TMEM71: variants seen among roughly 807,000 people sequenced by gnomAD.
The protein encoded by TMEM71 is transmembrane protein 71.
A neutral mutation model predicts 38.0 loss-of-function variants in TMEM71; 44 were observed. The observed-to-expected ratio is 1.16, with a 90% CI of 0.91 to 1.49. The LOEUF (loss-of-function observed/expected upper bound fraction) is 1.49, where lower values mean the gene tolerates loss of function less well. Among genes scored for constraint, TMEM71 ranks in the 40% most tolerant of loss-of-function variants. TMEM71 has a pLI of 0.00. For synonymous variants in TMEM71, 133 were observed against 122.5 expected (o/e 1.09, Z -0.56); for missense variants, 367 against 348.6 (o/e 1.05, Z -0.42).
At chr8:132,727,259 ATT>A (rs769270352) in intron 6 of TMEM71, among the ~76,000 whole-genome samples, 34 of 140,020 alleles carry the variant, frequency 2.4e-4, no homozygotes, top group African/African-American at 8.1e-4. Flanking sequence ...TATTCTCAGA[ATT>A]TTTTTTTTTT....
At chr8:132,761,799 C>T (rs75860186), upstream of TMEM71, among the ~76,000 whole-genome samples, 12,301 of 152,258 alleles carry the variant, frequency 0.081, 743 homozygotes, top group Admixed American at 0.13. Flanking sequence ...TTTGATGAAG[C>T]AAGCTGCCAT....
downstream of TMEM71, among the ~76,000 whole-genome samples, chr8:132,706,625 T>C (rs1201105893): frequency 6.6e-6 from 1 of 152,134 alleles, no homozygotes; most frequent in African/African-American, 2.4e-5. Context: ...TGATTATACA[T>C]AGCATCCTGG....
chr8:132,724,394 T>A (rs138299980), intron 6 of TMEM71, among the ~76,000 whole-genome samples: 4,103 of 152,060 alleles, frequency 0.027, 191 homozygotes, highest in African/African-American at 0.094. Flanking sequence ...TTTCCTAGGG[T>A]CTTAATATTA....
Position 132,754,076 on chromosome 8 carries a change from T to A in TMEM71, c.102-2079A>T, listed in dbSNP as rs149683004. Reference sequence around the variant, plus strand: ...GGCTTTTCTCTGAGTATTCTCCACTTTTTAGAGTTCCTCTTAAATATCATG... The same window carrying A: ...GGCTTTTCTCTGAGTATTCTCCACTATTTAGAGTTCCTCTTAAATATCATG... On this transcript the variant is annotated intron_variant, in intron 3 of 9. Transcript: ENST00000677595. Among the ~76,000 whole-genome samples the A allele has an allele frequency of 4.1e-3, 619 of 152,324 alleles. 4 individuals are homozygous for A. Among genetic ancestry groups the A allele is most frequent in the Middle Eastern group, 0.01 (3 of 294 alleles).
intron 6 of TMEM71, among the ~76,000 whole-genome samples, chr8:132,727,489 C>A (rs921551537): frequency 1.3e-5 from 2 of 152,122 alleles, no homozygotes; most frequent in African/African-American, 2.4e-5. Context: ...ATCTCCTGAC[C>A]TTGTGATCCG....
At chr8:132,750,569 A>G (rs1159776232) in intron 4 of TMEM71, among the ~76,000 whole-genome samples, 1 of 152,154 alleles carries the variant, frequency 6.6e-6, no homozygotes, top group Non-Finnish European at 1.5e-5. Flanking sequence ...GACTAAACCA[A>G]CCTACTCCAC....
At chr8:132,732,559 T>C (rs1827516744) in intron 5 of TMEM71, among the ~76,000 whole-genome samples, 1 of 152,022 alleles carries the variant, frequency 6.6e-6, no homozygotes, top group African/African-American at 2.4e-5. Flanking sequence ...CTGTGGGTGA[T>C]TTAGAGTCAT....
At position 132,745,239 on chromosome 8, in the gene TMEM71, C is replaced by T. The variant is rs12679169; in HGVS notation, c.487+1703G>A. ...GAAACTATCAACAAGAGTAAATATACAACCTACAGAATGGTAGAAATATGC... is the reference window on the plus strand; with the variant it reads ...GAAACTATCAACAAGAGTAAATATATAACCTACAGAATGGTAGAAATATGC... On this transcript the variant is annotated intron_variant, in intron 5 of 9. Transcript: ENST00000677595. Among the ~76,000 whole-genome samples the T allele has an allele frequency of 2.0e-5, 3 of 152,228 alleles. No individual in the cohort carries two copies. In the East Asian group the frequency reaches 5.8e-4, roughly 29 times the overall value.
the TMEM71 span, among the ~76,000 whole-genome samples, chr8:132,772,000 A>G: frequency 6.6e-6 from 1 of 152,354 alleles, no homozygotes; most frequent in Admixed American, 6.5e-5. Flanking sequence ...AAGAGATTTG[A>G]CAGAGGCTAT....
intron 6 of TMEM71, among the ~76,000 whole-genome samples, chr8:132,725,183 A>G (rs1001085796): frequency 6.6e-6 from 1 of 152,032 alleles, no homozygotes; most frequent in African/African-American, 2.4e-5. Context: ...AAATTCAGGC[A>G]TGCACCACTA....
chr8:132,718,599 G>T (rs777771469), intron 7 of TMEM71, among the ~76,000 whole-genome samples: 1 of 152,084 alleles, frequency 6.6e-6, no homozygotes, highest in African/African-American at 2.4e-5. Flanking sequence ...GGGTTTCACC[G>T]TGTTAGCCAG....
At chr8:132,746,426 T>TACATATATATAC (rs1310876435) in intron 5 of TMEM71, among the ~76,000 whole-genome samples, 14 of 19,926 alleles carry the variant, frequency 7.0e-4, no homozygotes, top group South Asian at 3.0e-3. Flanking sequence ...CACATATATA[T>TACATATATATAC]ACATATATAT....
chr8:132,761,822 C>T (rs890210), upstream of TMEM71, among the ~76,000 whole-genome samples: 39,802 of 152,120 alleles, frequency 0.26, 5,935 homozygotes, highest in South Asian at 0.43. Flanking sequence ...TGGAGAAGCC[C>T]ATGTGTCAAG....
chr8:132,734,185 TACAC>T (rs367706220), intron 5 of TMEM71, among the ~76,000 whole-genome samples: 1 of 151,386 alleles, frequency 6.6e-6, no homozygotes, highest in Non-Finnish European at 1.5e-5. Flanking sequence ...CGCATACACA[TACAC>T]ACACACACAG....
At chr8:132,752,818 GGGAAGGAAGAAA>G (rs1234450698) in intron 3 of TMEM71, among the ~76,000 whole-genome samples, 44 of 123,972 alleles carry the variant, frequency 3.5e-4, no homozygotes, top group African/African-American at 1.0e-3. Context: ...AAAGGAAGAA[GGGAAGGAAGAAA>G]GGAAGGAAGG....
intron 6 of TMEM71, 144 bp from the exon 7 acceptor site, chr8:132,722,259 T>C (rs1220709401): frequency 6.2e-6 from 4 of 642,882 alleles, no homozygotes; most frequent in African/African-American, 5.6e-5. Context: ...CAATGTGTCA[T>C]AAATAACAAG....
rs993624847 is a variant in TMEM71 at position 132,741,968 on chromosome 8, G to A, written c.487+4974C>T. Among the ~76,000 whole-genome samples the A allele has an allele frequency of 7.2e-5, 11 of 152,328 alleles. No individual in the cohort carries two copies. In the East Asian group the frequency reaches 7.7e-4, roughly 11 times the overall value. On this transcript the variant is annotated intron_variant, in intron 5 of 9. Transcript: ENST00000677595. ...AACCTCGGTCCACCTGGCAACGGGC[G>A]TCTTCCCAGACGCTGGCGTCACCAC...
At chr8:132,715,213 T>A (rs542361051) in intron 7 of TMEM71, among the ~76,000 whole-genome samples, 1 of 151,522 alleles carries the variant, frequency 6.6e-6, no homozygotes, top group African/African-American at 2.4e-5. Flanking sequence ...GAGACCGTCC[T>A]GGCTAACACG....
chr8:132,763,741 T>A (rs1412069642), upstream of TMEM71, among the ~76,000 whole-genome samples: 1 of 152,226 alleles, frequency 6.6e-6, no homozygotes, highest in African/African-American at 2.4e-5. Flanking sequence ...CAAACGTTCA[T>A]GTGTTGCAAA....
Sources: allele counts gnomAD v4.1 joint callset (sites outside exome capture counted in the v4.1 genomes callset), GRCh38; gene constraint gnomAD v4.1.1; transcripts MANE v1.5; gene names NCBI Gene and HGNC (gene_info 2026-07-23, HGNC 2026-07-21).